The following KIF16B variants were observed in gnomAD, a reference collection of about 807,000 sequenced individuals.
KIF16B encodes the protein kinesin-like protein KIF16B.
KIF16B carries 98 observed loss-of-function variants against 156.3 expected under a neutral mutation model. The ratio of observed to expected loss-of-function variants is 0.63; its 90% CI spans 0.53 to 0.74. The LOEUF is 0.74. Among genes scored for constraint, KIF16B ranks in the 30% least tolerant of loss-of-function variants. The pLI is 0.00. For synonymous variants in KIF16B, 564 were observed against 583.7 expected (o/e 0.97, Z 0.49); for missense variants, 1,421 against 1,606.5 (o/e 0.88, Z 1.97).
At chr20:16,312,494 G>T in intron 24 of KIF16B, 76 bp from the exon 25 acceptor site, 2 of 1,110,812 alleles carry the variant, frequency 1.8e-6, no homozygotes, top group South Asian at 1.3e-5. Context: ...TCTATTATTT[G>T]AAATCTCTTC....
In KIF16B at chr20:16,512,665, G is replaced by A. The variant is rs377089967; in HGVS notation, c.446+161C>T. 3.2e-4 allele frequency among the ~76,000 whole-genome samples: 48 copies of A among 152,264 alleles called. 1 individual carries two copies. The South Asian group carries it at 9.3e-3, about 30-fold the overall frequency. The stretch of plus-strand genomic sequence containing the variant: ...CAAGAAAATCACTAAAAACTTATGT[G>A]TTTTAAGCTTTATCCCCAAACCATA... On this transcript the variant is annotated intron_variant, in intron 5 of 25. Transcript: ENST00000354981.
At chr20:16,369,011 C>CATTG in intron 22 of KIF16B, 1 of 985,850 alleles carries the variant, frequency 1.0e-6, no homozygotes, top group Non-Finnish European at 1.2e-6. Flanking sequence ...AAATGGCCAG[C>CATTG]ATGCTCAGGA....
At chr20:16,555,102 T>C (rs1400304735) in intron 1 of KIF16B, among the ~76,000 whole-genome samples, 2 of 151,982 alleles carry the variant, frequency 1.3e-5, no homozygotes, top group Non-Finnish European at 2.9e-5. Context: ...GCCACAAAGG[T>C]TTCCAGCTGG....
At chr20:16,568,244 A>G (rs375157243) in intron 1 of KIF16B, among the ~76,000 whole-genome samples, 2 of 151,968 alleles carry the variant, frequency 1.3e-5, no homozygotes, top group Admixed American at 6.6e-5. Flanking sequence ...AAGGCTAGGA[A>G]CAGTCAGAAA....
In KIF16B at chr20:16,573,265, A is replaced by G. The variant is rs1345967771; in HGVS notation, c.11T>C (p.Val4Ala). The change falls in exon 1 of 26, where the codon GTC becomes GCC. Residue 4 changes from valine to alanine, a missense_variant. Coordinates refer to ENST00000354981, the MANE Select transcript of KIF16B (RefSeq NM_024704.5). Reference sequence around the variant, plus strand: ...GGGCCGGACCCTCACGGCCACCTTGACCGATGCCATCGCTCATCCCGAACC... The same window carrying G: ...GGGCCGGACCCTCACGGCCACCTTGGCCGATGCCATCGCTCATCCCGAACC... Reference protein sequence around the residue: MASVKVAVRVRPMN... With the variant: MASAKVAVRVRPMN... 3 of 1,608,688 alleles carry G rather than the reference A, an allele frequency of 1.9e-6. No homozygotes were observed. The highest frequency in any genetic ancestry group is 2.5e-6 in the Non-Finnish European group (3 of 1,178,592).
chr20:16,292,260 T>C (rs965328035), intron 25 of KIF16B, among the ~76,000 whole-genome samples: 4 of 152,176 alleles, frequency 2.6e-5, no homozygotes, highest in Non-Finnish European at 5.9e-5. Context: ...TAGCTTTACA[T>C]GGGCAAACGA....
chr20:16,562,128 C>A (rs577099493), intron 1 of KIF16B, among the ~76,000 whole-genome samples: 3 of 152,250 alleles, frequency 2.0e-5, no homozygotes, highest in African/African-American at 7.2e-5. Context: ...TGCAACTTTA[C>A]TATAAATCTA....
Position 16,335,963 on chromosome 20 carries a change from C to T in KIF16B, c.3674G>A (p.Arg1225Gln), listed in dbSNP as rs151020283. The change falls in exon 24 of 26, where the codon CGA becomes CAA. Residue 1225 changes from arginine (R) to glutamine (Q), a missense_variant. By Grantham distance (43) the Arg-to-Gln change is conservative (BLOSUM62 1). Transcript: ENST00000354981. ...TAACTTCAATGTTTTATGCATTTCT[C>T]GAAAACGACTGTAACGCCTGAATAC... ...WTVFRRYSRF[R>Q]EMHKTLKLKY... 2.2e-5 allele frequency: 36 copies of T among 1,609,804 alleles called. No homozygotes were observed. In the East Asian group the frequency reaches 5.8e-4, roughly 26 times the overall value.
At chr20:16,363,470 T>C (rs1046148505) in intron 22 of KIF16B, among the ~76,000 whole-genome samples, 1 of 152,212 alleles carries the variant, frequency 6.6e-6, no homozygotes, top group East Asian at 1.9e-4. Context: ...AATACATCCA[T>C]GGAAAATTAA....
chr20:16,346,974 A>C (rs908843950), intron 23 of KIF16B, among the ~76,000 whole-genome samples: 5 of 152,202 alleles, frequency 3.3e-5, no homozygotes, highest in African/African-American at 4.8e-5. Context: ...AAAAGCTCTG[A>C]ATTAACTCTG....
intron 5 of KIF16B, among the ~76,000 whole-genome samples, chr20:16,512,051 G>A (rs754234827): frequency 2.6e-5 from 4 of 152,054 alleles, no homozygotes; most frequent in Non-Finnish European, 5.9e-5. Flanking sequence ...GGAGGCTGAT[G>A]CAGGAGAATC....
intron 12 of KIF16B, among the ~76,000 whole-genome samples, chr20:16,447,452 G>A (rs1459871638): frequency 1.3e-5 from 2 of 152,150 alleles, no homozygotes; most frequent in East Asian, 1.9e-4. Flanking sequence ...AGGTGTGACA[G>A]AAACTTATAC....
chr20:16,353,145 C>T (rs1246446606), intron 23 of KIF16B, among the ~76,000 whole-genome samples: 2 of 152,158 alleles, frequency 1.3e-5, no homozygotes, highest in Non-Finnish European at 2.9e-5. Flanking sequence ...AGAATAGTCT[C>T]TTTTAAAAAT....
intron 3 of KIF16B, among the ~76,000 whole-genome samples, chr20:16,520,605 C>T (rs910646225): frequency 3.3e-5 from 5 of 152,208 alleles, no homozygotes; most frequent in Admixed American, 6.5e-5. Flanking sequence ...GGCACAGCTT[C>T]GGCAGACTTA....
intron 10 of KIF16B, among the ~76,000 whole-genome samples, chr20:16,501,029 C>T (rs2068605742): frequency 6.6e-6 from 1 of 152,018 alleles, no homozygotes; most frequent in Admixed American, 6.6e-5. Flanking sequence ...GCTGAAAATA[C>T]ATTTAAATAT....
At chr20:16,286,141 C>A (rs899772238) in intron 25 of KIF16B, among the ~76,000 whole-genome samples, 1 of 152,154 alleles carries the variant, frequency 6.6e-6, no homozygotes, top group Non-Finnish European at 1.5e-5. Context: ...GTGTCTCGTA[C>A]ACAGTAGGTA....
intron 7 of KIF16B, among the ~76,000 whole-genome samples, chr20:16,507,008 G>A (rs924647237): frequency 1.3e-5 from 2 of 151,794 alleles, no homozygotes; most frequent in South Asian, 4.2e-4. Flanking sequence ...AGGCTGAGGT[G>A]GGAGATCACT....
At chr20:16,326,960 T>TTA (rs144605179) in intron 24 of KIF16B, among the ~76,000 whole-genome samples, 30,383 of 147,418 alleles carry the variant, frequency 0.21, 3,211 homozygotes, top group East Asian at 0.34. Flanking sequence ...AAAGAAAATG[T>TTA]TATATATATA....
intron 20 of KIF16B, among the ~76,000 whole-genome samples, chr20:16,372,805 C>A (rs573431706): frequency 2.0e-5 from 3 of 152,196 alleles, no homozygotes; most frequent in African/African-American, 7.2e-5. Flanking sequence ...TCAAGTGAGT[C>A]TCCTGCCTCA....
Sources: allele counts gnomAD v4.1 joint callset (sites outside exome capture counted in the v4.1 genomes callset), GRCh38; gene constraint gnomAD v4.1.1; transcripts MANE v1.5; gene names NCBI Gene and HGNC (gene_info 2026-07-23, HGNC 2026-07-21).